The following STT3B variants were observed in gnomAD, a reference collection of about 807,000 sequenced individuals.
STT3B encodes the protein STT3 oligosaccharyltransferase complex catalytic subunit B, also known as dolichyl-diphosphooligosaccharide--protein glycosyltransferase subunit STT3B.
STT3B carries 29 observed loss-of-function variants against 96.8 expected under a neutral mutation model. The observed-to-expected ratio is 0.30, with a 90% confidence interval of 0.22 to 0.41. STT3B has a LOEUF of 0.41. STT3B is among the 10% of genes least tolerant of loss of function. The pLI, the probability that STT3B is intolerant of heterozygous loss-of-function variation, is 1.00. For synonymous variants in STT3B, 367 were observed against 360.0 expected, an observed-to-expected ratio of 1.02 and a Z score of -0.22; for missense variants, 640 against 1,022.3, an observed-to-expected ratio of 0.63 and a Z score of 5.10.
chr3:31,556,456 T>C (rs1328149969), intron 1 of STT3B, among the ~76,000 whole-genome samples: 1 of 152,138 alleles, frequency 6.6e-6, no homozygotes, highest in Non-Finnish European at 1.5e-5. Flanking sequence ...GTTCTATTTT[T>C]AGTTTTTGGA....
chr3:31,620,711 T>G (rs1699408579), intron 9 of STT3B, among the ~76,000 whole-genome samples: 1 of 152,250 alleles, frequency 6.6e-6, no homozygotes, highest in South Asian at 2.1e-4. Flanking sequence ...ATGCTGTGGT[T>G]GTTTTGTATG....
intron 6 of STT3B, among the ~76,000 whole-genome samples, chr3:31,615,838 T>G (rs978816164): frequency 3.3e-5 from 5 of 151,954 alleles, no homozygotes; most frequent in African/African-American, 1.2e-4. Context: ...TTTTTAAAAA[T>G]TAATATTCTA....
At chr3:31,594,448 T>C (rs894920381) in intron 3 of STT3B, among the ~76,000 whole-genome samples, 13 of 151,888 alleles carry the variant, frequency 8.6e-5, no homozygotes, top group South Asian at 2.1e-4. Flanking sequence ...TTTTTTTTTT[T>C]TGGATGGAGT....
chr3:31,538,159 T>C (rs534233874), intron 1 of STT3B, among the ~76,000 whole-genome samples: 1 of 152,140 alleles, frequency 6.6e-6, no homozygotes, highest in South Asian at 2.1e-4. Flanking sequence ...AATATTTTGC[T>C]TTAGCATATC....
At chr3:31,581,856 G>C (rs1306786090) in intron 3 of STT3B, among the ~76,000 whole-genome samples, 1 of 152,134 alleles carries the variant, frequency 6.6e-6, no homozygotes, top group Non-Finnish European at 1.5e-5. Context: ...ATTTCTGATT[G>C]CTGATTCAGT....
chr3:31,569,296 C>G (rs766832966), intron 1 of STT3B, among the ~76,000 whole-genome samples: 1 of 152,156 alleles, frequency 6.6e-6, no homozygotes, highest in Non-Finnish European at 1.5e-5. Context: ...CAGCCATATG[C>G]TTTAATGTTT....
intron 3 of STT3B, 51 bp from the exon 4 acceptor site, chr3:31,596,747 G>A (rs539183687): frequency 3.5e-5 from 49 of 1,419,002 alleles, no homozygotes; most frequent in Middle Eastern, 3.6e-4. Flanking sequence ...TAAAAATTCC[G>A]CAAGAACATT....
chr3:31,626,226 A>G lies in STT3B; in HGVS notation c.2073+99A>G, dbSNP rs530288998. 1.0e-5 allele frequency: 11 copies of G among 1,101,140 alleles called. 1 individual carries two copies. Among genetic ancestry groups the G allele is most frequent in the South Asian group, 6.3e-5 (4 of 63,780 alleles). 68.2% of individuals were successfully genotyped at this position (1,101,140 alleles called of 1,614,324 possible). On this transcript the variant is annotated intron_variant, in intron 13 of 15. Transcript: ENST00000295770. ...TGCATTGTATTTGTTTCATCATCCT[A>G]TCCCTCAGATTAGTTCCTTACCCTG...
intron 5 of STT3B, among the ~76,000 whole-genome samples, chr3:31,610,511 A>C (rs1436986349): frequency 2.6e-5 from 4 of 152,244 alleles, no homozygotes; most frequent in Admixed American, 2.6e-4. Context: ...AAGGTACTTA[A>C]AGATTGCTTT....
chr3:31,533,284 G>A lies in STT3B; in HGVS notation c.286G>A (p.Glu96Lys). The A allele has an allele frequency of 2.6e-6, 4 of 1,534,530 alleles. No homozygotes were observed. The highest frequency in any genetic ancestry group is 3.5e-6 in the Non-Finnish European group (4 of 1,141,294). ...GCGCCTCTTCGCCGTCATCCGCTTC[G>A]AAAGCATCATCCACGAGTTCGACCC... ...SSRLFAVIRF[E>K]SIIHEFDPWF... Residue 96 changes from glutamate to lysine, a missense_variant, in exon 1 of 16, where the codon GAA becomes AAA. Physicochemically the swap from Glu to Lys is moderately conservative, Grantham distance 56. Coordinates refer to ENST00000295770, the MANE Select transcript of STT3B (RefSeq NM_178862.3).
chr3:31,620,991 T>C (rs1408143609), intron 9 of STT3B, among the ~76,000 whole-genome samples: 2 of 152,236 alleles, frequency 1.3e-5, no homozygotes, highest in Non-Finnish European at 2.9e-5. Context: ...AGTAATCCCA[T>C]TCCTATGTAT....
chr3:31,628,633 T>TA (rs1337701242), intron 13 of STT3B, among the ~76,000 whole-genome samples: 2 of 152,286 alleles, frequency 1.3e-5, no homozygotes, highest in Admixed American at 6.5e-5. Context: ...GTTAACCCCA[T>TA]AAAAATTACC....
At chr3:31,570,107 T>TA (rs1404872238) in intron 1 of STT3B, among the ~76,000 whole-genome samples, 3 of 152,062 alleles carry the variant, frequency 2.0e-5, no homozygotes, top group South Asian at 2.1e-4. Context: ...TTTAAATATT[T>TA]AAAAAAATAT....
chr3:31,622,339 G>T, intron 10 of STT3B, 31 bp downstream of exon 10: 1 of 1,553,384 alleles, frequency 6.4e-7, no homozygotes, highest in Non-Finnish European at 8.9e-7. Context: ...CCTTTAAATT[G>T]TCTATGTCCT....
chr3:31,578,257 C>A (rs902116876), intron 2 of STT3B, among the ~76,000 whole-genome samples: 6 of 152,166 alleles, frequency 3.9e-5, no homozygotes, highest in African/African-American at 1.4e-4. Context: ...GAAACCCCCT[C>A]ATTTTCATTC....
chr3:31,581,767 G>A (rs1694937302), intron 3 of STT3B, among the ~76,000 whole-genome samples: 1 of 152,160 alleles, frequency 6.6e-6, no homozygotes, highest in African/African-American at 2.4e-5. Flanking sequence ...AGGAGGATTA[G>A]TGTTGGTTCA....
At chr3:31,580,258 T>C (rs887176768) in intron 3 of STT3B, among the ~76,000 whole-genome samples, 162 bp downstream of exon 3, 1 of 152,176 alleles carries the variant, frequency 6.6e-6, no homozygotes, top group African/African-American at 2.4e-5. Context: ...TTTTAAAATA[T>C]GTTAGGCATC....
intron 5 of STT3B, among the ~76,000 whole-genome samples, chr3:31,610,810 T>A (rs1699164673): frequency 6.6e-6 from 1 of 152,186 alleles, no homozygotes; most frequent in African/African-American, 2.4e-5. Context: ...TATATACATA[T>A]CTTTCTAATG....
At chr3:31,582,603 C>T (rs1230457038) in intron 3 of STT3B, among the ~76,000 whole-genome samples, 1 of 151,848 alleles carries the variant, frequency 6.6e-6, no homozygotes, top group East Asian at 1.9e-4. Context: ...CTAGTTTGTT[C>T]TTTTTCTAGT....
Sources: gnomAD v4.1 joint callset for allele counts (sites outside exome capture counted in the v4.1 genomes callset) on GRCh38, gnomAD v4.1.1 for gene constraint, MANE v1.5 for transcripts, NCBI Gene and HGNC (gene_info 2026-07-23, HGNC 2026-07-21) for gene names.